ZNF804A: variants seen among roughly 807,000 people sequenced by gnomAD.
ZNF804A encodes zinc finger protein 804A.
Under a neutral mutation model 16.5 loss-of-function variants are expected in ZNF804A, and 2 were observed. That is an observed-to-expected ratio of 0.12 (90% CI 0.05 to 0.38). The LOEUF is 0.38. Ranked by LOEUF, ZNF804A falls within the 10% of genes least tolerant of loss-of-function variation. The pLI, the probability that ZNF804A is intolerant of heterozygous loss-of-function variation, is 0.99. For synonymous variants in ZNF804A, 534 were observed against 489.6 expected, an observed-to-expected ratio of 1.09 and a Z score of -1.20; for missense variants, 1,473 against 1,390.7, an observed-to-expected ratio of 1.06 and a Z score of -0.94.
At chr2:184,815,246 T>TA (rs892439681) in intron 1 of ZNF804A, among the ~76,000 whole-genome samples, 24 of 150,932 alleles carry the variant, frequency 1.6e-4, no homozygotes, top group Middle Eastern at 3.4e-3. Flanking sequence ...TAGATGCTGT[T>TA]AAAAAAAAAC....
At chr2:184,609,181 A>T (rs978198448) in intron 1 of ZNF804A, among the ~76,000 whole-genome samples, 2 of 152,178 alleles carry the variant, frequency 1.3e-5, no homozygotes, top group Admixed American at 1.3e-4. Flanking sequence ...ATGTCACTGG[A>T]GATACAGGGT....
At chr2:184,731,989 C>G (rs1342635403) in intron 1 of ZNF804A, among the ~76,000 whole-genome samples, 1 of 152,042 alleles carries the variant, frequency 6.6e-6, no homozygotes, top group African/African-American at 2.4e-5. Context: ...AATATTTTTC[C>G]TAGTCTTTGA....
chr2:184,796,748 T>C (rs1432405877), intron 1 of ZNF804A, among the ~76,000 whole-genome samples: 1 of 152,140 alleles, frequency 6.6e-6, no homozygotes, highest in Non-Finnish European at 1.5e-5. Flanking sequence ...TCAGTCTTTT[T>C]GATGTAGGCA....
At chr2:184,748,586 A>G (rs138332131) in intron 1 of ZNF804A, among the ~76,000 whole-genome samples, 259 of 151,594 alleles carry the variant, frequency 1.7e-3, no homozygotes, top group African/African-American at 5.8e-3. Context: ...TTGTCTCTTT[A>G]TTCCACTGAT....
intron 1 of ZNF804A, among the ~76,000 whole-genome samples, chr2:184,788,773 G>A (rs781157056): frequency 5.9e-5 from 9 of 151,990 alleles, no homozygotes; most frequent in Non-Finnish European, 1.3e-4. Context: ...TATGTAATCA[G>A]TGAACAGAGA....
At chr2:184,666,755 TATC>T (rs916562638) in intron 1 of ZNF804A, among the ~76,000 whole-genome samples, 5 of 152,052 alleles carry the variant, frequency 3.3e-5, no homozygotes, top group African/African-American at 1.2e-4. Context: ...TTCACGGTAT[TATC>T]ATAATGTGCA....
chr2:184,755,339 TA>T (rs1370838317), intron 1 of ZNF804A, among the ~76,000 whole-genome samples: 3 of 151,962 alleles, frequency 2.0e-5, no homozygotes, highest in Non-Finnish European at 4.4e-5. Context: ...TTCCTTCCTA[TA>T]AATGAAGTGT....
intron 1 of ZNF804A, among the ~76,000 whole-genome samples, chr2:184,742,322 A>G (rs1162795325): frequency 2.0e-5 from 3 of 152,004 alleles, no homozygotes; most frequent in African/African-American, 4.8e-5. Context: ...GAAAAAAATT[A>G]TGGCTTAAAA....
intron 1 of ZNF804A, among the ~76,000 whole-genome samples, chr2:184,804,169 T>C (rs1337749457): frequency 6.6e-6 from 1 of 152,160 alleles, no homozygotes. Flanking sequence ...TGGCCTCTTC[T>C]GTCTGTTATA....
intron 1 of ZNF804A, among the ~76,000 whole-genome samples, chr2:184,725,581 T>C (rs1267100048): frequency 6.6e-6 from 1 of 151,628 alleles, no homozygotes; most frequent in Non-Finnish European, 1.5e-5. Context: ...CCTGTATACC[T>C]TTCATCCAGT....
rs1015754929 is a variant in ZNF804A at position 184,773,526 on chromosome 2, A to T, written c.112-92843A>T. Among the ~76,000 whole-genome samples, 4 of 151,994 alleles carry T rather than the reference A, an allele frequency of 2.6e-5. No homozygotes were observed. The South Asian group carries it at 8.3e-4, about 31-fold the overall frequency. Reference sequence around the variant, plus strand: ...AGCAACCTGGTTGGAATTGCAGACCATTATTCTTAGTGAAGTAACTCAGGA... The same window carrying T: ...AGCAACCTGGTTGGAATTGCAGACCTTTATTCTTAGTGAAGTAACTCAGGA... On this transcript the variant is annotated intron_variant, in intron 1 of 3. Transcript: ENST00000302277.
intron 2 of ZNF804A, among the ~76,000 whole-genome samples, chr2:184,899,406 C>T (rs1402988730): frequency 6.6e-6 from 1 of 151,890 alleles, no homozygotes; most frequent in Non-Finnish European, 1.5e-5. Context: ...TTTTTACTTG[C>T]TAACTGATGA....
chr2:184,866,784 C>T (rs1027434224), intron 2 of ZNF804A, among the ~76,000 whole-genome samples: 1 of 147,708 alleles, frequency 6.8e-6, no homozygotes, highest in Non-Finnish European at 1.5e-5. Context: ...GTTTCGAAAA[C>T]AATATTCTAC....
intron 1 of ZNF804A, among the ~76,000 whole-genome samples, chr2:184,858,239 C>G (rs1201192438): frequency 1.3e-5 from 2 of 151,986 alleles, no homozygotes; most frequent in African/African-American, 4.8e-5. Flanking sequence ...TGCAGTGGCT[C>G]ACACCTGTAA....
chr2:184,891,917 A>G lies in ZNF804A; in HGVS notation c.255+25405A>G, dbSNP rs563635700. On this transcript the variant is annotated intron_variant, in intron 2 of 3. Transcript: ENST00000302277. ...TGCAGTGTTTATCCTAAAAGAAAAA[A>G]TTACGTGATATCAATATTTCTAGAA... Among the ~76,000 whole-genome samples the G allele has an allele frequency of 2.0e-3, 302 of 152,308 alleles. 1 individual carries two copies. Among genetic ancestry groups the G allele is most frequent in the African/African-American group, 7.0e-3 (290 of 41,576 alleles).
chr2:184,780,379 TA>T (rs997836481), intron 1 of ZNF804A, among the ~76,000 whole-genome samples: 2 of 151,798 alleles, frequency 1.3e-5, no homozygotes, highest in Non-Finnish European at 2.9e-5. Context: ...TAAACTTTTT[TA>T]AAAAAATTAT....
intron 1 of ZNF804A, among the ~76,000 whole-genome samples, chr2:184,616,764 A>G (rs988406507): frequency 2.6e-5 from 4 of 152,198 alleles, no homozygotes; most frequent in Non-Finnish European, 5.9e-5. Context: ...AATTGGTCAT[A>G]AATATCACCT....
chr2:184,800,288 C>T (rs1306526686), intron 1 of ZNF804A, among the ~76,000 whole-genome samples: 1 of 151,774 alleles, frequency 6.6e-6, no homozygotes, highest in Non-Finnish European at 1.5e-5. Context: ...TGCTGAAATT[C>T]TCATTGAAGT....
At chr2:184,925,866 C>T (rs755143176) in intron 2 of ZNF804A, among the ~76,000 whole-genome samples, 3 of 151,828 alleles carry the variant, frequency 2.0e-5, no homozygotes, top group South Asian at 4.1e-4. Context: ...CTTTGTTCCC[C>T]TCCTATTTTA....
Sources: allele counts gnomAD v4.1 joint callset (sites outside exome capture counted in the v4.1 genomes callset), GRCh38; gene constraint gnomAD v4.1.1; transcripts MANE v1.5; gene names NCBI Gene and HGNC (gene_info 2026-07-23, HGNC 2026-07-21).